PIEZO2: variants seen among roughly 807,000 people sequenced by gnomAD.
The protein encoded by PIEZO2 is piezo-type mechanosensitive ion channel component 2.
A neutral mutation model predicts 337.3 loss-of-function variants in PIEZO2; 172 were observed. That is an observed-to-expected ratio of 0.51 (90% CI 0.45 to 0.58). PIEZO2 has a LOEUF of 0.58. Ranked by LOEUF, PIEZO2 falls within the 20% of genes least tolerant of loss-of-function variation. PIEZO2 has a pLI of 0.00. For synonymous variants in PIEZO2, 1,251 were observed against 1,228.5 expected (o/e 1.02, Z -0.38); for missense variants, 3,028 against 3,391.3 (o/e 0.89, Z 2.66).
In PIEZO2 at chr18:10,968,994, C is replaced by A. The variant is rs904877789; in HGVS notation, c.286+10541G>T. 1.3e-5 allele frequency among the ~76,000 whole-genome samples: 2 copies of A among 152,144 alleles called. 1 individual carries two copies. Among genetic ancestry groups the A allele is most frequent in the Non-Finnish European group, 2.9e-5 (2 of 68,016 alleles). On this transcript the variant is annotated intron_variant, in intron 3 of 55. Coordinates refer to ENST00000674853, the MANE Select transcript of PIEZO2 (RefSeq NM_001378183.1). ...AAATGGTTTTTATTTATAAATCCAC[C>A]TACCTAAGCCCTAAAATATACATCA...
At position 11,078,812 on chromosome 18, in the gene PIEZO2, A is replaced by C. The variant is rs2038639947; in HGVS notation, c.65-12590T>G. On this transcript the variant is annotated intron_variant, in intron 1 of 55. Coordinates refer to ENST00000674853, the MANE Select transcript of PIEZO2 (RefSeq NM_001378183.1). This position sits in a 1 kb window ranked among gnomAD's most constrained non-coding sequence, Gnocchi z 5.3. The stretch of plus-strand genomic sequence containing the variant: ...ATCTCTTCAGTCTCTACCTACTCAG[A>C]GTATTTGGCCTTACATTTCATCGAA... 6.6e-6 allele frequency among the ~76,000 whole-genome samples: 1 copy of C among 152,206 alleles called. No homozygotes were observed. The highest frequency in any genetic ancestry group is 2.1e-4 in the South Asian group (1 of 4,832).
intron 2 of PIEZO2, among the ~76,000 whole-genome samples, chr18:11,026,585 C>A (rs946912797): frequency 1.3e-5 from 2 of 152,174 alleles, no homozygotes; most frequent in South Asian, 4.1e-4. Flanking sequence ...TGTTATTGGC[C>A]TATGCTCCGT....
At position 11,125,509 on chromosome 18, in the gene PIEZO2, A is replaced by G. The variant is rs1207247850; in HGVS notation, c.64+23016T>C. 6.6e-6 allele frequency among the ~76,000 whole-genome samples: 1 copy of G among 152,228 alleles called. No individual in the cohort carries two copies. Among genetic ancestry groups the G allele is most frequent in the Non-Finnish European group, 1.5e-5 (1 of 68,044 alleles). Reference sequence around the variant, plus strand: ...ACGTGTTTAGTGCTAAGAGTCCAGCACACTTCATTACGTTGTTGGATTGTT... The same window carrying G: ...ACGTGTTTAGTGCTAAGAGTCCAGCGCACTTCATTACGTTGTTGGATTGTT... On this transcript the variant is annotated intron_variant, in intron 1 of 55. Transcript: ENST00000674853. This position sits in a 1 kb window ranked among gnomAD's most constrained non-coding sequence, Gnocchi z 4.4.
intron 1 of PIEZO2, among the ~76,000 whole-genome samples, chr18:11,130,120 T>A (rs759854128): frequency 2.0e-5 from 3 of 152,216 alleles, no homozygotes; most frequent in South Asian, 2.1e-4. Flanking sequence ...CAGTGATTAG[T>A]GCCACCATCA....
intron 21 of PIEZO2, among the ~76,000 whole-genome samples, chr18:10,764,996 G>A (rs758836912): frequency 6.6e-6 from 1 of 152,208 alleles, no homozygotes; most frequent in Non-Finnish European, 1.5e-5. Flanking sequence ...AAGGCCTTTA[G>A]TAAAGACAGC....
intron 14 of PIEZO2, among the ~76,000 whole-genome samples, chr18:10,790,206 A>G (rs946891321): frequency 6.6e-6 from 1 of 152,230 alleles, no homozygotes. Context: ...GACTTTTGTT[A>G]CTGAAAAACA....
rs1425094472 is a variant in PIEZO2 at position 10,833,652 on chromosome 18, GTGTC to G, written c.917+21697_917+21700del. The stretch of plus-strand genomic sequence containing the variant: ...CCAGAGCCAAGTACAGTTCCAATCT[GTGTC>G]TACCCGCAGGCTTCACCCAAGCCCT... On this transcript the variant is annotated intron_variant, in intron 7 of 55. Transcript: ENST00000674853. The surrounding 1 kb of genome is among the most constrained non-coding windows in gnomAD (Gnocchi z 4.7). 1.3e-5 allele frequency among the ~76,000 whole-genome samples: 2 copies of G among 151,970 alleles called. No homozygotes were observed. Among genetic ancestry groups the G allele is most frequent in the African/African-American group, 4.8e-5 (2 of 41,342 alleles).
rs75475580 is a variant in PIEZO2 at position 10,945,683 on chromosome 18, A to T, written c.286+33852T>A. On this transcript the variant is annotated intron_variant, in intron 3 of 55. Transcript: ENST00000674853. This position sits in a 1 kb window ranked among gnomAD's most constrained non-coding sequence, Gnocchi z 4.0. The stretch of plus-strand genomic sequence containing the variant: ...CATATATAAAGAAGCAGAAAATAGG[A>T]CCCATAATCAGCAGAAAAAATCAAT... Among the ~76,000 whole-genome samples the T allele has an allele frequency of 7.9e-5, 12 of 152,326 alleles. No homozygotes were observed. The East Asian group carries it at 2.3e-3, about 29-fold the overall frequency.
intron 47 of PIEZO2, among the ~76,000 whole-genome samples, chr18:10,693,437 T>G (rs937952858): frequency 6.6e-6 from 1 of 151,692 alleles, no homozygotes; most frequent in Non-Finnish European, 1.5e-5. Context: ...CAGCGCAATC[T>G]CAGCTCACTG....
intron 54 of PIEZO2, among the ~76,000 whole-genome samples, chr18:10,674,002 T>C (rs2033888381): frequency 6.6e-6 from 1 of 152,154 alleles, no homozygotes; most frequent in Admixed American, 6.5e-5. Flanking sequence ...ATGCAGCCCA[T>C]GGGCTGCAGG....
chr18:10,978,763 A>G (rs2034547400), intron 3 of PIEZO2, among the ~76,000 whole-genome samples: 1 of 152,190 alleles, frequency 6.6e-6, no homozygotes, highest in African/African-American at 2.4e-5. Flanking sequence ...ACAAGTTAAA[A>G]CTGTTATTAC....
rs1230977922 is a variant in PIEZO2 at position 10,833,685 on chromosome 18, A to T, written c.917+21668T>A. The stretch of plus-strand genomic sequence containing the variant: ...CCGCAGGCTTCACCCAAGCCCTCTC[A>T]GCTTCTCATATCTCTCTGGAGAGAC... On this transcript the variant is annotated intron_variant, in intron 7 of 55. Transcript: ENST00000674853. The surrounding 1 kb of genome is among the most constrained non-coding windows in gnomAD (Gnocchi z 4.7). Among the ~76,000 whole-genome samples the T allele has an allele frequency of 2.0e-5, 3 of 152,204 alleles. No individual in the cohort carries two copies. The highest frequency in any genetic ancestry group is 6.5e-5 in the Admixed American group (1 of 15,276).
At chr18:10,799,598 C>T (rs115829155) in intron 11 of PIEZO2, among the ~76,000 whole-genome samples, 2,351 of 152,246 alleles carry the variant, frequency 0.015, 41 homozygotes, top group African/African-American at 0.053. Context: ...ACATAAACAA[C>T]TGAAAGAAAA....
chr18:10,954,441 A>G lies in PIEZO2; in HGVS notation c.286+25094T>C, dbSNP rs941238006. Among the ~76,000 whole-genome samples the G allele has an allele frequency of 6.6e-6, 1 of 152,242 alleles. No individual in the cohort carries two copies. The highest frequency in any genetic ancestry group is 6.5e-5 in the Admixed American group (1 of 15,288). ...TACATAACATTTTGTTAAAAAAGCT[A>G]TTTCCAATTGTTGATTGCCAATATG... On this transcript the variant is annotated intron_variant, in intron 3 of 55. Coordinates refer to ENST00000674853, the MANE Select transcript of PIEZO2 (RefSeq NM_001378183.1). This position sits in a 1 kb window ranked among gnomAD's most constrained non-coding sequence, Gnocchi z 4.2.
chr18:10,927,278 G>T (rs1005551012), intron 3 of PIEZO2, among the ~76,000 whole-genome samples: 1 of 152,116 alleles, frequency 6.6e-6, no homozygotes, highest in Non-Finnish European at 1.5e-5. Flanking sequence ...GGAAGCTCAA[G>T]TTCTTGGCTC....
chr18:11,074,901 AG>A, intron 1 of PIEZO2, among the ~76,000 whole-genome samples: 1 of 152,198 alleles, frequency 6.6e-6, no homozygotes, highest in East Asian at 1.9e-4. Flanking sequence ...ATGCTATTAA[AG>A]GTAAGTGCTC....
At chr18:10,764,810 C>T (rs1442126119) in intron 21 of PIEZO2, among the ~76,000 whole-genome samples, 1 of 152,118 alleles carries the variant, frequency 6.6e-6, no homozygotes, top group Non-Finnish European at 1.5e-5. Flanking sequence ...CATGGAAAGG[C>T]CCTGCAAACC....
intron 33 of PIEZO2, chr18:10,737,577 G>A (rs2037058856): frequency 6.6e-6 from 1 of 152,252 alleles, no homozygotes; most frequent in African/African-American, 2.4e-5. Context: ...AAACAGTATG[G>A]ATTGTCTTTG....
At chr18:11,074,767 G>A (rs917752324) in intron 1 of PIEZO2, among the ~76,000 whole-genome samples, 1 of 152,192 alleles carries the variant, frequency 6.6e-6, no homozygotes, top group African/African-American at 2.4e-5. Context: ...CATAACATTT[G>A]TAAAAATACT....
Sources: gnomAD v4.1 joint callset for allele counts (sites outside exome capture counted in the v4.1 genomes callset) on GRCh38, gnomAD v4.1.1 for gene constraint, Gnocchi (gnomAD v3.1) non-coding constraint, MANE v1.5 for transcripts, NCBI Gene and HGNC (gene_info 2026-07-23, HGNC 2026-07-21) for gene names.